Variants in KLF8 observed in about 807,000 individuals in gnomAD.
KLF8 encodes KLF transcription factor 8.
KLF8 carries 10 observed loss-of-function variants against 18.2 expected under a neutral mutation model. The observed-to-expected ratio is 0.55, with a 90% CI of 0.34 to 0.93. The LOEUF (loss-of-function observed/expected upper bound fraction) is 0.93, where lower values mean the gene tolerates loss of function less well. Among genes scored for constraint, KLF8 ranks in the 40% least tolerant of loss-of-function variants. The pLI is 0.02. For synonymous variants in KLF8, 109 were observed against 97.3 expected (o/e 1.12, Z -0.71); for missense variants, 264 against 277.9 (o/e 0.95, Z 0.36).
At chrX:56,246,817 A>T (rs1244122991) in intron 1 of KLF8, among the ~76,000 whole-genome samples, 1 of 111,244 alleles carries the variant, frequency 9.0e-6, no homozygotes, top group East Asian at 2.8e-4. Context: ...GACTGGGTTT[A>T]TGGTGGTGCT....
At chrX:56,260,719 T>A (rs1485387021) in intron 2 of KLF8, among the ~76,000 whole-genome samples, 1 of 112,167 alleles carries the variant, frequency 8.9e-6, no homozygotes, top group East Asian at 2.8e-4. Flanking sequence ...TTAAACAGAC[T>A]TTTTGACCTA....
chrX:56,189,625 G>A, the KLF8 span, among the ~76,000 whole-genome samples: 1 of 110,738 alleles, frequency 9.0e-6, no homozygotes, highest in Non-Finnish European at 1.9e-5. Flanking sequence ...CAAGCCAAAT[G>A]TCCAACAACA....
At chrX:56,161,068 C>A in the KLF8 span, among the ~76,000 whole-genome samples, 1 of 111,316 alleles carries the variant, frequency 9.0e-6, no homozygotes. Context: ...TTCAGGAGCT[C>A]TTTTAGGGCA....
the KLF8 span, among the ~76,000 whole-genome samples, chrX:55,930,311 C>T: frequency 8.9e-6 from 1 of 111,785 alleles, no homozygotes; most frequent in Non-Finnish European, 1.9e-5. Flanking sequence ...TCTAAATATA[C>T]AGTCATGCTA....
At chrX:56,212,458 C>T in the KLF8 span, among the ~76,000 whole-genome samples, 2 of 112,130 alleles carry the variant, frequency 1.8e-5, no homozygotes. Flanking sequence ...AGCACTTTGG[C>T]CCTCAGTGAT....
the KLF8 span, among the ~76,000 whole-genome samples, chrX:56,108,182 G>A: frequency 1.8e-5 from 2 of 111,298 alleles, no homozygotes; most frequent in Non-Finnish European, 3.8e-5. Context: ...TCTTTCTAAT[G>A]ACAATGCATT....
the KLF8 span, among the ~76,000 whole-genome samples, chrX:56,076,062 G>C: frequency 9.1e-6 from 1 of 109,729 alleles, no homozygotes; most frequent in South Asian, 3.9e-4. Flanking sequence ...TGCAGTGTTT[G>C]GTTTTTTGTT....
the KLF8 span, among the ~76,000 whole-genome samples, chrX:55,924,777 A>C: frequency 9.3e-6 from 1 of 107,658 alleles, no homozygotes; most frequent in African/African-American, 3.4e-5. Context: ...AAGTGACTGA[A>C]GTCTCTCCTA....
chrX:56,210,902 TC>T, the KLF8 span, among the ~76,000 whole-genome samples: 1 of 109,595 alleles, frequency 9.1e-6, no homozygotes, highest in African/African-American at 3.3e-5. Context: ...ATTATTTCCA[TC>T]TGTTTGGTAA....
the KLF8 span, among the ~76,000 whole-genome samples, chrX:55,922,771 G>GGT: frequency 1.1e-4 from 12 of 112,068 alleles, no homozygotes; most frequent in African/African-American, 3.9e-4. Context: ...CGAAACCACA[G>GGT]TGAGATACCA....
the KLF8 span, among the ~76,000 whole-genome samples, chrX:56,135,445 A>G: frequency 2.7e-5 from 3 of 110,443 alleles, no homozygotes; most frequent in South Asian, 1.2e-3. Flanking sequence ...GTAAACTATC[A>G]CAAGAACAAA....
chrX:56,189,463 A>G, the KLF8 span, among the ~76,000 whole-genome samples: 3,613 of 111,246 alleles, frequency 0.032, 162 homozygotes, highest in African/African-American at 0.11. Context: ...TCATTGTGGC[A>G]ATTCCTCAGG....
chrX:56,036,727 T>C, the KLF8 span, among the ~76,000 whole-genome samples: 2 of 111,927 alleles, frequency 1.8e-5, no homozygotes, highest in East Asian at 5.6e-4. Flanking sequence ...ATGTTATTGG[T>C]GTCAAGATAG....
the KLF8 span, among the ~76,000 whole-genome samples, chrX:55,970,372 A>C: frequency 8.9e-6 from 1 of 111,769 alleles, no homozygotes; most frequent in South Asian, 3.7e-4. Flanking sequence ...ATAAAATTCA[A>C]CATCCCTTCA....
chrX:56,269,606 G>A, intron 4 of KLF8, 117 bp downstream of exon 4: 1 of 1,019,842 alleles, frequency 9.8e-7, no homozygotes, highest in Non-Finnish European at 1.3e-6. Context: ...AAGAATTTGA[G>A]GACAAGAAAT....
At chrX:55,933,785 T>G in the KLF8 span, among the ~76,000 whole-genome samples, 1 of 111,980 alleles carries the variant, frequency 8.9e-6, no homozygotes, top group African/African-American at 3.2e-5. Context: ...GTGTGCACCT[T>G]CCAACCAGGG....
the KLF8 span, among the ~76,000 whole-genome samples, chrX:55,941,190 G>T: frequency 3.6e-5 from 4 of 111,669 alleles, no homozygotes; most frequent in Admixed American, 2.9e-4. Context: ...CAATGTAACA[G>T]AACAGAGCCC....
At chrX:56,086,421 T>C in the KLF8 span, among the ~76,000 whole-genome samples, 1 of 110,521 alleles carries the variant, frequency 9.0e-6, no homozygotes, top group Admixed American at 9.7e-5. Context: ...AAGAGCAAGG[T>C]TCTATAAAAT....
the KLF8 span, among the ~76,000 whole-genome samples, chrX:56,073,900 T>C: frequency 1.8e-5 from 2 of 111,334 alleles, no homozygotes. Context: ...CGTGCGCCAC[T>C]ATGCCCAGCT....
Sources: gnomAD v4.1 joint callset for allele counts (sites outside exome capture counted in the v4.1 genomes callset) on GRCh38, gnomAD v4.1.1 for gene constraint, MANE v1.5 for transcripts, NCBI Gene and HGNC (gene_info 2026-07-23, HGNC 2026-07-21) for gene names.